The following CTDSPL variants were observed in gnomAD, a reference collection of about 807,000 sequenced individuals.
The protein encoded by CTDSPL is CTD small phosphatase like, also known as CTD small phosphatase-like protein.
CTDSPL carries 8 observed loss-of-function variants against 30.5 expected under a neutral mutation model. The ratio of observed to expected loss-of-function variants is 0.26; its 90% CI spans 0.15 to 0.47. The LOEUF (loss-of-function observed/expected upper bound fraction) is 0.47, where lower values mean the gene tolerates loss of function less well. Ranked by LOEUF, CTDSPL falls within the 20% of genes least tolerant of loss-of-function variation. The pLI, the probability that CTDSPL is intolerant of heterozygous loss-of-function variation, is 0.99. For missense variants in CTDSPL, 248 were observed against 366.1 expected, an observed-to-expected ratio of 0.68 and a Z score of 2.63; for synonymous variants, 110 against 137.9, an observed-to-expected ratio of 0.80 and a Z score of 1.42.
chr3:37,929,382 A>G (rs778685377), intron 1 of CTDSPL, among the ~76,000 whole-genome samples: 37 of 152,186 alleles, frequency 2.4e-4, no homozygotes, highest in Non-Finnish European at 7.4e-5. Flanking sequence ...GGTAATACAG[A>G]CATTTTTACA....
chr3:37,872,164 T>G (rs1175948587), intron 1 of CTDSPL, among the ~76,000 whole-genome samples: 1 of 152,074 alleles, frequency 6.6e-6, no homozygotes, highest in Non-Finnish European at 1.5e-5. Flanking sequence ...TGGCTTAATG[T>G]TTTGTATTTT....
chr3:37,969,249 C>T (rs1699335368), intron 5 of CTDSPL, among the ~76,000 whole-genome samples: 1 of 152,230 alleles, frequency 6.6e-6, no homozygotes, highest in South Asian at 2.1e-4. Flanking sequence ...GACTGGCCTG[C>T]CCACTGCTGA....
intron 3 of CTDSPL, 76 bp downstream of exon 3, chr3:37,957,219 AT>A (rs1360037631): frequency 4.8e-5 from 47 of 979,222 alleles, no homozygotes; most frequent in African/African-American, 1.2e-4. Context: ...TATATAAAGG[AT>A]TTTTTTTAAT....
In CTDSPL at chr3:37,983,235, TTC is replaced by T. The variant is rs1343250891; in HGVS notation, c.*2370_*2371del. On this transcript the variant is annotated 3_prime_UTR_variant, in exon 8 of 8. Coordinates refer to ENST00000273179, the MANE Select transcript of CTDSPL (RefSeq NM_001008392.2). ...CACCTTATTTGACCACACTCCAAAA[TTC>T]TGTTTTTATTTTAACCCTTGAATCT... The T allele has an allele frequency of 1.3e-5, 2 of 152,358 alleles. No homozygotes were observed. Among genetic ancestry groups the T allele is most frequent in the Non-Finnish European group, 2.9e-5 (2 of 68,058 alleles). The allele number at this position is 152,358 out of a possible 1,614,324, so 9.4% of individuals were successfully genotyped here.
At chr3:37,870,460 G>C (rs1167595962) in intron 1 of CTDSPL, among the ~76,000 whole-genome samples, 1 of 152,028 alleles carries the variant, frequency 6.6e-6, no homozygotes, top group Admixed American at 6.6e-5. Flanking sequence ...TATTTTTTGT[G>C]TGTCAATCTT....
chr3:37,958,021 T>C (rs1215762678), intron 3 of CTDSPL, among the ~76,000 whole-genome samples: 1 of 152,248 alleles, frequency 6.6e-6, no homozygotes, highest in Admixed American at 6.5e-5. Context: ...GTAAAGATGA[T>C]CAGATTCAGA....
intron 1 of CTDSPL, among the ~76,000 whole-genome samples, chr3:37,870,521 T>C (rs1476470136): frequency 6.6e-6 from 1 of 152,166 alleles, no homozygotes; most frequent in African/African-American, 2.4e-5. Context: ...AGTTCTTTGT[T>C]GCATTGATTT....
intron 1 of CTDSPL, among the ~76,000 whole-genome samples, chr3:37,927,705 T>TAA (rs1553684237): frequency 1.6e-4 from 23 of 146,888 alleles, no homozygotes; most frequent in Admixed American, 4.1e-4. Context: ...TATATATATA[T>TAA]AAAAAATGAA....
intron 3 of CTDSPL, 73 bp downstream of exon 3, chr3:37,957,216 A>T: frequency 1.9e-6 from 2 of 1,072,176 alleles, no homozygotes; most frequent in South Asian, 2.9e-5. Context: ...ACTTATATAA[A>T]GGATTTTTTT....
chr3:37,910,017 A>T (rs1319353020), intron 1 of CTDSPL, among the ~76,000 whole-genome samples: 30 of 152,188 alleles, frequency 2.0e-4, no homozygotes, highest in Admixed American at 2.0e-3. Context: ...TAGCGATATG[A>T]CTTTAGGCAA....
chr3:37,928,270 G>A (rs993058649), intron 1 of CTDSPL, among the ~76,000 whole-genome samples: 4 of 152,178 alleles, frequency 2.6e-5, no homozygotes, highest in Non-Finnish European at 4.4e-5. Context: ...GGATTACATG[G>A]TAGTTCTACT....
intron 6 of CTDSPL, among the ~76,000 whole-genome samples, chr3:37,974,346 G>A (rs1478896131): frequency 6.6e-6 from 1 of 152,242 alleles, no homozygotes; most frequent in Non-Finnish European, 1.5e-5. Context: ...GCTGCTTGCA[G>A]CTTTGCAGCC....
chr3:37,918,134 T>C (rs1176888589), intron 1 of CTDSPL, among the ~76,000 whole-genome samples: 2 of 152,202 alleles, frequency 1.3e-5, no homozygotes, highest in African/African-American at 4.8e-5. Context: ...ACGTGCATGC[T>C]TGCTCACTGA....
intron 6 of CTDSPL, among the ~76,000 whole-genome samples, chr3:37,973,223 A>G (rs148403486): frequency 5.3e-5 from 8 of 152,354 alleles, no homozygotes; most frequent in African/African-American, 1.7e-4. Context: ...TGGTACCAAG[A>G]TTAATTGTTA....
intron 1 of CTDSPL, among the ~76,000 whole-genome samples, chr3:37,916,773 T>TA (rs1173803236): frequency 1.3e-5 from 2 of 152,198 alleles, no homozygotes; most frequent in Non-Finnish European, 2.9e-5. Flanking sequence ...AGAAAACTAA[T>TA]ACAGTGCTTT....
At chr3:37,892,045 G>A (rs73056975) in intron 1 of CTDSPL, among the ~76,000 whole-genome samples, 167 of 152,026 alleles carry the variant, frequency 1.1e-3, no homozygotes, top group African/African-American at 3.8e-3. Flanking sequence ...CCTACAGATC[G>A]GCCACATTTT....
Position 37,971,399 on chromosome 3 carries a change from CA to C in CTDSPL, c.427-7del. The C allele has an allele frequency of 6.2e-7, 1 of 1,613,184 alleles. No individual in the cohort carries two copies. The highest frequency in any genetic ancestry group is 2.2e-5 in the East Asian group (1 of 44,870). On this transcript the variant is annotated splice_region_variant and splice_polypyrimidine_tract_variant and intron_variant, in intron 5 of 7. Transcript: ENST00000273179. ...ATCTGACCAGCCTGCTGTCTCCTGC[CA>C]TTGCAGGTGTATGTGCTGAAGCGGC...
intron 1 of CTDSPL, among the ~76,000 whole-genome samples, chr3:37,864,740 A>G (rs186307742): frequency 7.9e-5 from 12 of 152,082 alleles, no homozygotes; most frequent in Admixed American, 7.9e-4. Context: ...ACATTTTTAC[A>G]TAATTTTACA....
At chr3:37,884,651 G>A (rs974786107) in intron 1 of CTDSPL, among the ~76,000 whole-genome samples, 13 of 152,214 alleles carry the variant, frequency 8.5e-5, no homozygotes, top group African/African-American at 1.4e-4. Flanking sequence ...AGGGGTAATC[G>A]GCTGAGTAAA....
Sources: gnomAD v4.1 joint callset for allele counts (sites outside exome capture counted in the v4.1 genomes callset) on GRCh38, gnomAD v4.1.1 for gene constraint, MANE v1.5 for transcripts, NCBI Gene and HGNC (gene_info 2026-07-23, HGNC 2026-07-21) for gene names.